PXDNL: variants seen among roughly 807,000 people sequenced by gnomAD.
The protein encoded by PXDNL is probable oxidoreductase PXDNL.
PXDNL carries 145 observed loss-of-function variants against 150.8 expected under a neutral mutation model. The ratio of observed to expected loss-of-function variants is 0.96; its 90% CI spans 0.84 to 1.10. PXDNL has a LOEUF of 1.10. Among genes scored for constraint, PXDNL ranks in the 50% least tolerant of loss-of-function variants. The probability of loss-of-function intolerance (pLI) is 0.00; values close to 1 mark genes in which losing one functional copy is unlikely to be tolerated. For missense variants in PXDNL, 2,087 were observed against 1,873.9 expected, an observed-to-expected ratio of 1.11 and a Z score of -2.10; for synonymous variants, 757 against 725.7, an observed-to-expected ratio of 1.04 and a Z score of -0.69.
chr8:51,800,460 G>T (rs1269681172), intron 1 of PXDNL, among the ~76,000 whole-genome samples: 2 of 152,118 alleles, frequency 1.3e-5, no homozygotes, highest in Non-Finnish European at 2.9e-5. Context: ...GAGAAGAAAG[G>T]CTTCCCCAAG....
intron 19 of PXDNL, among the ~76,000 whole-genome samples, chr8:51,360,219 A>G (rs929516177): frequency 2.0e-5 from 3 of 152,202 alleles, no homozygotes; most frequent in African/African-American, 7.2e-5. Context: ...ACATACCCAT[A>G]CATGTATACA....
At chr8:51,806,007 C>T (rs778403382) in intron 1 of PXDNL, among the ~76,000 whole-genome samples, 7 of 152,098 alleles carry the variant, frequency 4.6e-5, no homozygotes, top group South Asian at 2.1e-4. Flanking sequence ...CTAAAATCCA[C>T]GGCACAAAGA....
chr8:51,461,003 C>A (rs1220290215), intron 8 of PXDNL, among the ~76,000 whole-genome samples: 3 of 152,142 alleles, frequency 2.0e-5, no homozygotes, highest in African/African-American at 7.2e-5. Flanking sequence ...AGGCACCCAC[C>A]CAGCTGCTCC....
In PXDNL at chr8:51,746,367, G is replaced by A. The variant is rs945787096; in HGVS notation, c.164+62814C>T. ...GTGGCCACCAACCACGGAACTCCTTGAAAGCCCAAAGGACACTGATAACAG... is the reference window on the plus strand; with the variant it reads ...GTGGCCACCAACCACGGAACTCCTTAAAAGCCCAAAGGACACTGATAACAG... On this transcript the variant is annotated intron_variant, in intron 1 of 22. Transcript: ENST00000356297. Among the ~76,000 whole-genome samples the A allele has an allele frequency of 5.9e-5, 9 of 152,324 alleles. No individual in the cohort carries two copies. In the East Asian group the frequency reaches 1.5e-3, roughly 26 times the overall value.
intron 19 of PXDNL, among the ~76,000 whole-genome samples, chr8:51,361,137 C>A (rs1335554262): frequency 6.6e-6 from 1 of 152,142 alleles, no homozygotes; most frequent in Non-Finnish European, 1.5e-5. Flanking sequence ...CAAAGCTCCA[C>A]GGATTTGTTT....
In PXDNL at chr8:51,770,483, G is replaced by GT. The variant is rs201116295; in HGVS notation, c.164+38697dup. On this transcript the variant is annotated intron_variant, in intron 1 of 22. Transcript: ENST00000356297. Reference sequence around the variant, plus strand: ...TGCTCTGAAGGAGTTTTTTCCTCCGGTTTTTTGCTTGTTACAGAATGTAAC... The same window carrying GT: ...TGCTCTGAAGGAGTTTTTTCCTCCGGTTTTTTTGCTTGTTACAGAATGTAAC... 1.6e-3 allele frequency among the ~76,000 whole-genome samples: 246 copies of GT among 152,292 alleles called. 4 individuals carry two copies. In the East Asian group the frequency reaches 0.035, roughly 22 times the overall value.
chr8:51,474,890 G>A, intron 7 of PXDNL, 82 bp downstream of exon 7: 2 of 1,150,306 alleles, frequency 1.7e-6, no homozygotes, highest in Non-Finnish European at 2.4e-6. Flanking sequence ...CTTCTAAAAT[G>A]CAATATTATA....
At position 51,409,357 on chromosome 8, in the gene PXDNL, G is replaced by A. The variant is rs550046007; in HGVS notation, c.2267C>T (p.Ala756Val). ...LTAFARLLQP[A>V]YRDGIRAPRG... Reference sequence around the variant, plus strand: ...GGGCGCGCGGATGCCGTCCCGGTAGGCTGGCTGCAGCAGGCGCGCGAAGGC... The same window carrying A: ...GGGCGCGCGGATGCCGTCCCGGTAGACTGGCTGCAGCAGGCGCGCGAAGGC... The change falls in exon 17 of 23, where the codon GCC becomes GTC. Residue 756 changes from alanine (A) to valine (V), a missense_variant. Physicochemically the swap from Ala to Val is moderately conservative, Grantham distance 64. Transcript: ENST00000356297. 5.9e-5 allele frequency: 91 copies of A among 1,551,742 alleles called. No individual in the cohort carries two copies. The East Asian group carries it at 1.9e-3, about 33-fold the overall frequency.
At chr8:51,380,014 A>G (rs1432831282) in intron 17 of PXDNL, among the ~76,000 whole-genome samples, 1 of 152,096 alleles carries the variant, frequency 6.6e-6, no homozygotes, top group Non-Finnish European at 1.5e-5. Flanking sequence ...TTAATTACTA[A>G]AAGCTTTATA....
intron 1 of PXDNL, among the ~76,000 whole-genome samples, chr8:51,701,197 C>A (rs1816251629): frequency 6.6e-6 from 1 of 152,024 alleles, no homozygotes; most frequent in South Asian, 2.1e-4. Context: ...ATTAGCAATT[C>A]AGTTGCTAGC....
At chr8:51,368,132 TCAAAA>T (rs201867647) in intron 19 of PXDNL, among the ~76,000 whole-genome samples, 3 of 151,974 alleles carry the variant, frequency 2.0e-5, no homozygotes, top group African/African-American at 2.4e-5. Context: ...AAACTCCATC[TCAAAA>T]CAAAACAAAA....
chr8:51,652,127 A>G (rs1320367132), intron 2 of PXDNL, among the ~76,000 whole-genome samples: 1 of 152,190 alleles, frequency 6.6e-6, no homozygotes, highest in African/African-American at 2.4e-5. Flanking sequence ...AGGCAACCCA[A>G]GGAAATAGAA....
chr8:51,353,628 C>CATAT (rs1414303849), intron 19 of PXDNL, among the ~76,000 whole-genome samples: 2 of 152,022 alleles, frequency 1.3e-5, no homozygotes, highest in Non-Finnish European at 2.9e-5. Context: ...AGTGACCTAG[C>CATAT]ATATAATCAA....
At chr8:51,712,594 C>T (rs1403699614) in intron 1 of PXDNL, among the ~76,000 whole-genome samples, 9 of 152,160 alleles carry the variant, frequency 5.9e-5, no homozygotes, top group Admixed American at 5.9e-4. Flanking sequence ...TATTTGGACA[C>T]TGATCACATG....
chr8:51,513,494 T>G (rs1811469177), intron 4 of PXDNL, among the ~76,000 whole-genome samples: 1 of 152,222 alleles, frequency 6.6e-6, no homozygotes, highest in East Asian at 1.9e-4. Flanking sequence ...TTTTTGTGAC[T>G]TCAGACAAGC....
At chr8:51,807,682 C>T (rs538105533) in intron 1 of PXDNL, among the ~76,000 whole-genome samples, 70 of 152,320 alleles carry the variant, frequency 4.6e-4, no homozygotes, top group African/African-American at 1.6e-3. Context: ...TAGTGGAAGG[C>T]TCTGCATGAC....
intron 4 of PXDNL, among the ~76,000 whole-genome samples, chr8:51,537,528 T>C (rs1812106968): frequency 6.6e-6 from 1 of 152,140 alleles, no homozygotes; most frequent in African/African-American, 2.4e-5. Context: ...CTCCCTGTGA[T>C]CCCAGTCAGT....
intron 1 of PXDNL, among the ~76,000 whole-genome samples, chr8:51,697,181 G>A (rs1191582986): frequency 1.3e-5 from 2 of 151,660 alleles, no homozygotes; most frequent in Non-Finnish European, 2.9e-5. Flanking sequence ...GCGGGCGCCT[G>A]TAATTCCAGC....
At chr8:51,602,839 C>T (rs1160511020) in intron 2 of PXDNL, among the ~76,000 whole-genome samples, 2 of 151,410 alleles carry the variant, frequency 1.3e-5, no homozygotes, top group East Asian at 3.9e-4. Flanking sequence ...TTTTATTATA[C>T]AGATGTTTTA....
Sources: gnomAD v4.1 joint callset for allele counts (sites outside exome capture counted in the v4.1 genomes callset) on GRCh38, gnomAD v4.1.1 for gene constraint, MANE v1.5 for transcripts, NCBI Gene and HGNC (gene_info 2026-07-23, HGNC 2026-07-21) for gene names.